The following GLCE variants were observed in gnomAD, a reference collection of about 807,000 sequenced individuals.
The protein encoded by GLCE is D-glucuronyl C5-epimerase.
In GLCE, 19 loss-of-function variants were observed where a neutral mutation model predicts 47.9. The observed-to-expected ratio is 0.40, with a 90% confidence interval of 0.28 to 0.58. GLCE has a LOEUF of 0.58. Among genes scored for constraint, GLCE ranks in the 20% least tolerant of loss-of-function variants. The pLI, the probability that GLCE is intolerant of heterozygous loss-of-function variation, is 0.48. For synonymous variants in GLCE, 245 were observed against 263.4 expected (o/e 0.93, Z 0.68); for missense variants, 556 against 743.3 (o/e 0.75, Z 2.93).
intron 2 of GLCE, among the ~76,000 whole-genome samples, chr15:69,232,982 CAAG>C (rs1488332334): frequency 6.6e-6 from 1 of 152,016 alleles, no homozygotes; most frequent in Non-Finnish European, 1.5e-5. Flanking sequence ...GGAAAGGAGC[CAAG>C]AATACACAAT....
At chr15:69,181,169 A>G (rs1335804925) in intron 1 of GLCE, among the ~76,000 whole-genome samples, 1 of 152,172 alleles carries the variant, frequency 6.6e-6, no homozygotes, top group East Asian at 1.9e-4. Flanking sequence ...AAGATTTTGG[A>G]GGAGAGAAGT....
At chr15:69,179,155 T>C (rs547231035) in intron 1 of GLCE, among the ~76,000 whole-genome samples, 20 of 152,326 alleles carry the variant, frequency 1.3e-4, no homozygotes, top group Middle Eastern at 3.4e-3. Context: ...TAGTTCCTTC[T>C]GAAGAGGGAC....
At chr15:69,180,019 C>T (rs565030664) in intron 1 of GLCE, among the ~76,000 whole-genome samples, 3 of 151,654 alleles carry the variant, frequency 2.0e-5, no homozygotes, top group East Asian at 1.9e-4. Flanking sequence ...GCCAAAAGAA[C>T]GTATTTATTG....
At chr15:69,250,821 A>AAC (rs1219063685) in intron 2 of GLCE, among the ~76,000 whole-genome samples, 1 of 152,098 alleles carries the variant, frequency 6.6e-6, no homozygotes, top group African/African-American at 2.4e-5. Flanking sequence ...AAAAAAAAAA[A>AAC]AACAGCGTGG....
chr15:69,233,472 T>C (rs2052552519), intron 2 of GLCE, among the ~76,000 whole-genome samples: 1 of 152,190 alleles, frequency 6.6e-6, no homozygotes, highest in Admixed American at 6.5e-5. Flanking sequence ...ATCAATAACA[T>C]ACTTGAATGC....
At chr15:69,171,409 T>C (rs575776160) in intron 1 of GLCE, among the ~76,000 whole-genome samples, 95 of 151,880 alleles carry the variant, frequency 6.3e-4, no homozygotes, top group Non-Finnish European at 9.6e-4. Flanking sequence ...CTTTTTTTTT[T>C]TTTTTGAGAT....
At chr15:69,258,062 A>G (rs921284063) in intron 3 of GLCE, among the ~76,000 whole-genome samples, 3 of 151,784 alleles carry the variant, frequency 2.0e-5, no homozygotes, top group African/African-American at 7.3e-5. Context: ...ACTTCATGTC[A>G]TGGAGATTTG....
chr15:69,202,094 A>G (rs2052083830), intron 1 of GLCE, among the ~76,000 whole-genome samples: 1 of 151,886 alleles, frequency 6.6e-6, no homozygotes, highest in Non-Finnish European at 1.5e-5. Flanking sequence ...TATTTTTTAC[A>G]TCTTCTGTAG....
intron 2 of GLCE, among the ~76,000 whole-genome samples, chr15:69,226,262 A>T (rs1392414176): frequency 6.6e-6 from 1 of 152,212 alleles, no homozygotes; most frequent in African/African-American, 2.4e-5. Context: ...ATAAGTAATA[A>T]ACATGATTTT....
At chr15:69,249,849 TTAGAA>T (rs377632441) in intron 2 of GLCE, among the ~76,000 whole-genome samples, 3 of 152,282 alleles carry the variant, frequency 2.0e-5, no homozygotes, top group Admixed American at 2.0e-4. Context: ...GCAAATCACT[TTAGAA>T]TAGAACAATT....
rs75896193 is a variant in GLCE at position 69,222,711 on chromosome 15, A to G, written c.-14+12305A>G. On this transcript the variant is annotated intron_variant, in intron 2 of 4. Coordinates refer to ENST00000261858, the MANE Select transcript of GLCE (RefSeq NM_015554.3). Reference sequence around the variant, plus strand: ...TTAGTTGATACTCTGGTCTATCTCAATGGGAGAAGTTATTTCTGGCTATGA... The same window carrying G: ...TTAGTTGATACTCTGGTCTATCTCAGTGGGAGAAGTTATTTCTGGCTATGA... Among the ~76,000 whole-genome samples, 1,040 of 152,268 alleles carry G rather than the reference A, an allele frequency of 6.8e-3. 3 individuals are homozygous for G. The highest frequency in any genetic ancestry group is 0.012 in the Non-Finnish European group (809 of 68,016).
chr15:69,215,017 C>T (rs1383293086), intron 2 of GLCE, among the ~76,000 whole-genome samples: 1 of 152,178 alleles, frequency 6.6e-6, no homozygotes, highest in African/African-American at 2.4e-5. Context: ...ATTTGTACCA[C>T]AGTTAGATTC....
intron 4 of GLCE, among the ~76,000 whole-genome samples, chr15:69,266,441 G>A (rs76016708): frequency 0.012 from 1,758 of 151,902 alleles, 32 homozygotes; most frequent in African/African-American, 0.041. Context: ...GTCCTCCCAC[G>A]TTGGCCTCCC....
rs1248329325 is a variant in GLCE at position 69,261,289 on chromosome 15, T to A, written c.789T>A (p.Asp263Glu). ...GCTGCTTTATGGCGAATGTGGCTGATAAGTCTAGATTCACCAATGTCAAAC... is the reference window on the plus strand; with the variant it reads ...GCTGCTTTATGGCGAATGTGGCTGAAAAGTCTAGATTCACCAATGTCAAAC... ...PKGCFMANVADKSRFTNVKQF... is the reference protein window; with the variant it reads ...PKGCFMANVAEKSRFTNVKQF... Residue 263 changes from aspartate (D) to glutamate (E), a missense_variant, in exon 4 of 5, where the codon GAT (aspartate) becomes GAA (glutamate). By Grantham distance (45) the Asp-to-Glu change is conservative. Coordinates refer to ENST00000261858, the MANE Select transcript of GLCE (RefSeq NM_015554.3). 3.7e-6 allele frequency: 6 copies of A among 1,613,898 alleles called. No homozygotes were observed. The highest frequency in any genetic ancestry group is 5.1e-6 in the Non-Finnish European group (6 of 1,179,960).
chr15:69,258,741 A>G (rs1314045915), intron 3 of GLCE, among the ~76,000 whole-genome samples: 1 of 152,218 alleles, frequency 6.6e-6, no homozygotes, highest in Non-Finnish European at 1.5e-5. Flanking sequence ...CAAACAATCC[A>G]GTAATATTCT....
At chr15:69,229,265 A>G (rs533005281) in intron 2 of GLCE, among the ~76,000 whole-genome samples, 72 of 152,256 alleles carry the variant, frequency 4.7e-4, no homozygotes, top group Non-Finnish European at 7.3e-4. Flanking sequence ...TGACAGAGCT[A>G]AAATGAGTAT....
At chr15:69,163,760 A>T (rs981727463) in intron 1 of GLCE, among the ~76,000 whole-genome samples, 1 of 152,210 alleles carries the variant, frequency 6.6e-6, no homozygotes, top group Admixed American at 6.5e-5. Flanking sequence ...CATTACTTTT[A>T]AGTACAAGTT....
At chr15:69,182,267 A>ATT (rs1423167740) in intron 1 of GLCE, among the ~76,000 whole-genome samples, 1 of 143,550 alleles carries the variant, frequency 7.0e-6, no homozygotes, top group Non-Finnish European at 1.5e-5. Context: ...GACATCGTGT[A>ATT]TTTGTGTGTG....
chr15:69,188,351 A>G (rs959903839), intron 1 of GLCE, among the ~76,000 whole-genome samples: 3 of 152,244 alleles, frequency 2.0e-5, no homozygotes, highest in South Asian at 2.1e-4. Flanking sequence ...ATCTATATTC[A>G]TAGGAAAATT....
Sources: gnomAD v4.1 joint callset for allele counts (sites outside exome capture counted in the v4.1 genomes callset) on GRCh38, gnomAD v4.1.1 for gene constraint, MANE v1.5 for transcripts, NCBI Gene and HGNC (gene_info 2026-07-23, HGNC 2026-07-21) for gene names.